WWC1: variants seen among roughly 807,000 people sequenced by gnomAD.
WWC1 encodes protein KIBRA.
A neutral mutation model predicts 138.4 loss-of-function variants in WWC1; 55 were observed. The ratio of observed to expected loss-of-function variants is 0.40; its 90% CI spans 0.32 to 0.50. WWC1 has a LOEUF of 0.50. Ranked by LOEUF, WWC1 falls within the 20% of genes least tolerant of loss-of-function variation. The pLI, the probability that WWC1 is intolerant of heterozygous loss-of-function variation, is 0.72. For synonymous variants in WWC1, 524 were observed against 564.9 expected (o/e 0.93, Z 1.03); for missense variants, 1,226 against 1,420.4 (o/e 0.86, Z 2.20).
At chr5:168,434,334 G>A (rs1782179233) in intron 15 of WWC1, among the ~76,000 whole-genome samples, 1 of 148,836 alleles carries the variant, frequency 6.7e-6, no homozygotes, top group Non-Finnish European at 1.5e-5. Context: ...GTATTCTGGT[G>A]GCTGGAGGAG....
At chr5:168,348,333 T>C (rs1453752528) in intron 1 of WWC1, among the ~76,000 whole-genome samples, 1 of 152,206 alleles carries the variant, frequency 6.6e-6, no homozygotes, top group African/African-American at 2.4e-5. Context: ...CTCTCTACTG[T>C]TTTCCTGCCA....
chr5:168,364,946 T>C (rs567306579), intron 1 of WWC1, among the ~76,000 whole-genome samples: 1 of 152,334 alleles, frequency 6.6e-6, no homozygotes, highest in East Asian at 1.9e-4. Context: ...AAGGCTCTGC[T>C]GTGTGTCATG....
In WWC1 at chr5:168,452,489, T is replaced by C. The variant is rs77755078; in HGVS notation, c.2526-1479T>C. 4.4e-3 allele frequency among the ~76,000 whole-genome samples: 670 copies of C among 152,298 alleles called. 2 individuals carry two copies. The highest frequency in any genetic ancestry group is 0.015 in the African/African-American group (636 of 41,558). ...TGAGCACGCTGCAAGAAGGCAGCCA[T>C]CTGCTAGCCAGGGAAAGGGGCCTCA... On this transcript the variant is annotated intron_variant, in intron 17 of 22. Transcript: ENST00000265293.
rs779374091 is a variant in WWC1, at chr5:168,441,814, G to C, written c.2413G>C (p.Ala805Pro). 7 of 1,613,942 alleles carry C rather than the reference G, an allele frequency of 4.3e-6. No homozygotes were observed. The Admixed American group carries it at 5.0e-5, about 12-fold the overall frequency. ...CAAGCCAGTGGGAGTCATGGCCCCT[G>C]CCTCAGGGCCTGCCAGCACGGTGAG... ...ELKPVGVMAP[A>P]SGPASTDAVS... The change falls in exon 16 of 23, where the codon GCC (alanine) becomes CCC (proline). Residue 805 changes from alanine to proline, a missense_variant. Physicochemically the swap from Ala to Pro is conservative, Grantham distance 27. Coordinates refer to ENST00000265293, the MANE Select transcript of WWC1 (RefSeq NM_015238.3).
At chr5:168,338,977 T>C (rs1773743140) in intron 1 of WWC1, among the ~76,000 whole-genome samples, 1 of 152,180 alleles carries the variant, frequency 6.6e-6, no homozygotes, top group Non-Finnish European at 1.5e-5. Context: ...TATTGAATGT[T>C]CCCAACACAA....
intron 4 of WWC1, 129 bp from the exon 5 acceptor site, chr5:168,399,359 A>G: frequency 7.0e-6 from 6 of 860,728 alleles, no homozygotes; most frequent in Non-Finnish European, 1.1e-5. Flanking sequence ...AGTGTGGCGC[A>G]AGGGGTGCTG....
At chr5:168,404,467 A>G (rs1242225270) in intron 5 of WWC1, among the ~76,000 whole-genome samples, 2 of 152,228 alleles carry the variant, frequency 1.3e-5, no homozygotes, top group African/African-American at 2.4e-5. Context: ...TTTTCTCTCC[A>G]TGGAGGCTGA....
chr5:168,392,160 G>A (rs1413647463), intron 3 of WWC1, among the ~76,000 whole-genome samples: 1 of 152,038 alleles, frequency 6.6e-6, no homozygotes, highest in East Asian at 1.9e-4. Flanking sequence ...CTGGACTCTA[G>A]GACACAAGCA....
At chr5:168,423,161 A>C (rs867274524) in intron 10 of WWC1, among the ~76,000 whole-genome samples, 26 of 140,188 alleles carry the variant, frequency 1.9e-4, no homozygotes, top group South Asian at 5.0e-4. Context: ...AAAAAAAAAA[A>C]AAAAAAAAAA....
intron 1 of WWC1, among the ~76,000 whole-genome samples, chr5:168,318,774 G>A (rs1352250461): frequency 6.6e-6 from 1 of 151,950 alleles, no homozygotes; most frequent in Non-Finnish European, 1.5e-5. Flanking sequence ...TGGCCAGGCT[G>A]GTCTCAAACT....
At chr5:168,319,206 C>T (rs990299138) in intron 1 of WWC1, among the ~76,000 whole-genome samples, 14 of 152,068 alleles carry the variant, frequency 9.2e-5, no homozygotes, top group African/African-American at 2.6e-4. Flanking sequence ...GATCACCTGA[C>T]GTCAGGAGTT....
intron 3 of WWC1, among the ~76,000 whole-genome samples, chr5:168,391,180 C>T (rs1003857091): frequency 3.9e-5 from 6 of 152,146 alleles, no homozygotes; most frequent in Non-Finnish European, 5.9e-5. Context: ...TCATATTTTT[C>T]CCCTCCCTAG....
intron 1 of WWC1, among the ~76,000 whole-genome samples, chr5:168,337,434 C>A (rs1773581952): frequency 1.3e-5 from 2 of 152,172 alleles, no homozygotes; most frequent in African/African-American, 4.8e-5. Context: ...GTGGTCACAA[C>A]TGGGAGGGTG....
chr5:168,315,881 A>G (rs1233726045), intron 1 of WWC1, among the ~76,000 whole-genome samples: 1 of 152,182 alleles, frequency 6.6e-6, no homozygotes, highest in Non-Finnish European at 1.5e-5. Flanking sequence ...TCTGGCTGGC[A>G]GGAGGCACAG....
At chr5:168,468,803 G>A (rs1757516345) in intron 22 of WWC1, 148 bp from the exon 23 acceptor site, 2 of 698,882 alleles carry the variant, frequency 2.9e-6, no homozygotes, top group East Asian at 5.5e-5. Context: ...GATACAGCCA[G>A]CATCTAGAGG....
chr5:168,404,813 G>A (rs1324426256), intron 5 of WWC1, among the ~76,000 whole-genome samples: 1 of 151,692 alleles, frequency 6.6e-6, no homozygotes, highest in Non-Finnish European at 1.5e-5. Context: ...TTGACACCTC[G>A]GCCCTCCTTC....
rs750563478 is a variant in WWC1 at position 168,444,604 on chromosome 5, G to A, written c.2525+19G>A. 13 of 1,612,738 alleles carry A rather than the reference G, an allele frequency of 8.1e-6. No homozygotes were observed. In the Admixed American group the frequency reaches 2.2e-4, roughly 27 times the overall value. On this transcript the variant is annotated intron_variant, in intron 17 of 22. Transcript: ENST00000265293. ...ACAGCTGGTGAGTGAGCCCGCCCTT[G>A]GGCCCCAGGAGCTGCCCTGCCTGGA...
At chr5:168,362,129 A>G (rs866832758) in intron 1 of WWC1, among the ~76,000 whole-genome samples, 2 of 147,072 alleles carry the variant, frequency 1.4e-5, no homozygotes, top group Middle Eastern at 7.0e-3. Context: ...ACTCACATTT[A>G]TCAAGCACTC....
chr5:168,416,961 G>A (rs564863558), intron 9 of WWC1, among the ~76,000 whole-genome samples: 4 of 152,170 alleles, frequency 2.6e-5, no homozygotes, highest in South Asian at 4.2e-4. Context: ...TCCACCTTCC[G>A]AGTTCAAGCA....
Sources: gnomAD v4.1 joint callset for allele counts (sites outside exome capture counted in the v4.1 genomes callset) on GRCh38, gnomAD v4.1.1 for gene constraint, MANE v1.5 for transcripts, NCBI Gene and HGNC (gene_info 2026-07-23, HGNC 2026-07-21) for gene names.